NEK1: variants seen among roughly 807,000 people sequenced by gnomAD.
The protein encoded by NEK1 is NIMA related kinase 1, also known as serine/threonine-protein kinase Nek1.
NEK1 carries 137 observed loss-of-function variants against 182.1 expected under a neutral mutation model. That is an observed-to-expected ratio of 0.75 (90% CI 0.65 to 0.87). The LOEUF (loss-of-function observed/expected upper bound fraction) is 0.87, where lower values mean the gene tolerates loss of function less well. NEK1 is among the 40% of genes least tolerant of loss of function. The probability of loss-of-function intolerance (pLI) is 0.00; values close to 1 mark genes in which losing one functional copy is unlikely to be tolerated. For missense variants in NEK1, 1,391 were observed against 1,494.4 expected, an observed-to-expected ratio of 0.93 and a Z score of 1.14; for synonymous variants, 513 against 492.2, an observed-to-expected ratio of 1.04 and a Z score of -0.56.
At chr4:169,566,687 T>A (rs760021712) in intron 12 of NEK1, among the ~76,000 whole-genome samples, 1 of 152,138 alleles carries the variant, frequency 6.6e-6, no homozygotes, top group Non-Finnish European at 1.5e-5. Context: ...TCTTAAGTGG[T>A]TAAAGCTTTC....
Position 169,507,769 on chromosome 4 carries a change from T to C in NEK1, c.1857A>G (p.Gly619=). The change falls in exon 22 of 36, where the codon GGA becomes GGG. Residue 619 remains glycine, a synonymous_variant. Coordinates refer to ENST00000507142, the MANE Select transcript of NEK1 (RefSeq NM_001199397.3). ...GEKKEANHSE[G]QEGSEEADMR... ...TGTCAGCCTCTTCACTTCCTTCTTG[T>C]CCTTCAGAATGATTAGCTTCTTTCT... The C allele has an allele frequency of 1.2e-6, 2 of 1,613,080 alleles. No individual in the cohort carries two copies. Among genetic ancestry groups the C allele is most frequent in the South Asian group, 1.1e-5 (1 of 91,032 alleles).
intron 18 of NEK1, among the ~76,000 whole-genome samples, chr4:169,543,806 T>C (rs1247600803): frequency 6.6e-6 from 1 of 152,204 alleles, no homozygotes; most frequent in Non-Finnish European, 1.5e-5. Flanking sequence ...TGTATAGGGA[T>C]GCTTGTGATT....
chr4:169,544,634 G>T (rs536105731), intron 18 of NEK1, among the ~76,000 whole-genome samples: 77 of 96,064 alleles, frequency 8.0e-4, no homozygotes, highest in Non-Finnish European at 1.1e-3. Flanking sequence ...TGCTTGGTAG[G>T]CTATTAATTA....
At chr4:169,404,024 A>G (rs1429161428) in intron 32 of NEK1, among the ~76,000 whole-genome samples, 2 of 152,168 alleles carry the variant, frequency 1.3e-5, no homozygotes, top group African/African-American at 4.8e-5. Flanking sequence ...AAATTCTGTC[A>G]TCAATTGTTC....
Position 169,555,540 on chromosome 4 carries a change from A to G in NEK1, c.1562+180T>C, listed in dbSNP as rs1436117842. 7 of 499,906 alleles carry G rather than the reference A, an allele frequency of 1.4e-5. No homozygotes were observed. The African/African-American group carries it at 2.9e-4, about 21-fold the overall frequency. The allele number at this position is 499,906 out of a possible 1,614,324, so 31.0% of individuals were successfully genotyped here. On this transcript the variant is annotated intron_variant, in intron 18 of 35. Coordinates refer to ENST00000507142, the MANE Select transcript of NEK1 (RefSeq NM_001199397.3). Reference sequence around the variant, plus strand: ...AAAAATCAGGCTGAACTGGAAAGCTACATGCTTTCAGAGTAATCAAGGGCC... The same window carrying G: ...AAAAATCAGGCTGAACTGGAAAGCTGCATGCTTTCAGAGTAATCAAGGGCC...
intron 11 of NEK1, among the ~76,000 whole-genome samples, chr4:169,579,549 C>T (rs751505408): frequency 2.6e-5 from 4 of 151,962 alleles, no homozygotes; most frequent in African/African-American, 4.8e-5. Context: ...CCAGCACTTT[C>T]GGAGGCCAAG....
intron 18 of NEK1, among the ~76,000 whole-genome samples, chr4:169,542,540 T>C (rs182836205): frequency 1.8e-3 from 279 of 152,342 alleles, no homozygotes; most frequent in African/African-American, 6.6e-3. Flanking sequence ...CTGGGTCAAA[T>C]GGCATTTCTA....
intron 32 of NEK1, among the ~76,000 whole-genome samples, chr4:169,403,389 G>A (rs905105590): frequency 4.6e-5 from 7 of 151,956 alleles, no homozygotes; most frequent in African/African-American, 9.7e-5. Context: ...GCAACATAGC[G>A]AGACCCCTCT....
chr4:169,584,834 T>C (rs76177333), intron 10 of NEK1, among the ~76,000 whole-genome samples: 10,854 of 151,914 alleles, frequency 0.071, 1,268 homozygotes, highest in African/African-American at 0.25. Flanking sequence ...CAGTTAGAAA[T>C]CCAGAGAACA....
At chr4:169,527,883 T>C (rs1018340598) in intron 19 of NEK1, among the ~76,000 whole-genome samples, 1 of 152,082 alleles carries the variant, frequency 6.6e-6, no homozygotes, top group Non-Finnish European at 1.5e-5. Context: ...AAGATAGGAA[T>C]TGTTAGACTA....
At chr4:169,465,338 T>C (rs1744726079) in intron 26 of NEK1, among the ~76,000 whole-genome samples, 1 of 152,078 alleles carries the variant, frequency 6.6e-6, no homozygotes, top group East Asian at 1.9e-4. Context: ...CACTGGAATT[T>C]AACCCCTTCA....
At chr4:169,440,853 A>G (rs1206616326) in intron 27 of NEK1, among the ~76,000 whole-genome samples, 2 of 152,152 alleles carry the variant, frequency 1.3e-5, no homozygotes, top group African/African-American at 4.8e-5. Context: ...TCTAGAGAGG[A>G]AGTTTGTGCT....
At chr4:169,411,101 T>G (rs1275754940) in intron 31 of NEK1, among the ~76,000 whole-genome samples, 1 of 152,212 alleles carries the variant, frequency 6.6e-6, no homozygotes, top group Non-Finnish European at 1.5e-5. Context: ...TCAGTCTTCC[T>G]GCTACTGGAG....
intron 19 of NEK1, among the ~76,000 whole-genome samples, chr4:169,534,352 A>G (rs1758128350): frequency 6.6e-6 from 1 of 152,202 alleles, no homozygotes; most frequent in Admixed American, 6.5e-5. Context: ...GCTGCAGCAC[A>G]GAGAGAAGGT....
At chr4:169,514,944 C>T (rs557170119) in intron 19 of NEK1, among the ~76,000 whole-genome samples, 1 of 152,130 alleles carries the variant, frequency 6.6e-6, no homozygotes, top group South Asian at 2.1e-4. Context: ...TGATTTGAGA[C>T]ATTTCTTCTA....
chr4:169,573,414 T>C (rs1765178270), intron 12 of NEK1, among the ~76,000 whole-genome samples: 1 of 152,192 alleles, frequency 6.6e-6, no homozygotes, highest in African/African-American at 2.4e-5. Context: ...ATATTGTTGG[T>C]TACATATTGA....
intron 31 of NEK1, among the ~76,000 whole-genome samples, chr4:169,419,459 T>C (rs545979826): frequency 3.3e-5 from 5 of 152,174 alleles, no homozygotes; most frequent in African/African-American, 9.6e-5. Flanking sequence ...ATGTCAGAAA[T>C]AGTAAACATG....
intron 19 of NEK1, among the ~76,000 whole-genome samples, chr4:169,528,745 T>C (rs1459365114): frequency 6.6e-6 from 1 of 152,146 alleles, no homozygotes; most frequent in Non-Finnish European, 1.5e-5. Context: ...TCAGTATGGA[T>C]CAAGAAGAAT....
At chr4:169,567,643 C>T (rs546508556) in intron 12 of NEK1, among the ~76,000 whole-genome samples, 35 of 152,286 alleles carry the variant, frequency 2.3e-4, no homozygotes, top group African/African-American at 8.4e-4. Flanking sequence ...ATCCACCTGC[C>T]TCGGCCTCCC....
Sources: gnomAD v4.1 joint callset for allele counts (sites outside exome capture counted in the v4.1 genomes callset) on GRCh38, gnomAD v4.1.1 for gene constraint, MANE v1.5 for transcripts, NCBI Gene and HGNC (gene_info 2026-07-23, HGNC 2026-07-21) for gene names.